Variants in ATP10B observed in about 807,000 individuals in gnomAD.
ATP10B encodes phospholipid-transporting ATPase VB.
Under a neutral mutation model 141.2 loss-of-function variants are expected in ATP10B, and 122 were observed. The ratio of observed to expected loss-of-function variants is 0.86; its 90% CI spans 0.75 to 1.00. ATP10B has a LOEUF of 1.00. ATP10B is among the 50% of genes least tolerant of loss of function. The pLI is 0.00. For synonymous variants in ATP10B, 685 were observed against 692.0 expected (o/e 0.99, Z 0.16); for missense variants, 1,876 against 1,825.3 (o/e 1.03, Z -0.51).
At chr5:160,857,457 T>C in the ATP10B span, among the ~76,000 whole-genome samples, 2 of 151,854 alleles carry the variant, frequency 1.3e-5, no homozygotes, top group Non-Finnish European at 2.9e-5. Flanking sequence ...TTAATTCTAT[T>C]TGTTGATCTT....
intron 1 of ATP10B, among the ~76,000 whole-genome samples, chr5:160,814,341 C>T (rs1275309765): frequency 2.6e-5 from 4 of 152,094 alleles, no homozygotes; most frequent in Non-Finnish European, 4.4e-5. Flanking sequence ...GATGAATGCA[C>T]AAGCCTCAGT....
At chr5:160,892,811 A>C in the ATP10B span, among the ~76,000 whole-genome samples, 7 of 152,320 alleles carry the variant, frequency 4.6e-5, no homozygotes, top group South Asian at 1.4e-3. Context: ...TCAACTCAGA[A>C]GGTGGGTGAT....
At position 160,850,550 on chromosome 5, in the gene ATP10B, A is replaced by C. The variant is rs548980334; in HGVS notation, c.-576+1391T>G. ...TAGGTCCTAGTTTTATCATCTGTAA[A>C]CTAGGCAGCTAGACTAAGTTCCATT... On this transcript the variant is annotated intron_variant, in intron 1 of 25. Coordinates refer to ENST00000327245, the MANE Select transcript of ATP10B (RefSeq NM_025153.3). Among the ~76,000 whole-genome samples the C allele has an allele frequency of 5.3e-5, 8 of 152,290 alleles. No homozygotes were observed. The East Asian group carries it at 1.5e-3, about 29-fold the overall frequency.
chr5:160,747,994 A>AG (rs1433458405), intron 2 of ATP10B, among the ~76,000 whole-genome samples: 2 of 72,528 alleles, frequency 2.8e-5, no homozygotes, highest in Non-Finnish European at 5.1e-5. Flanking sequence ...GCATTGAGAG[A>AG]GAAAAAAAAA....
chr5:160,795,271 C>A (rs1771857869), intron 1 of ATP10B, among the ~76,000 whole-genome samples: 1 of 152,130 alleles, frequency 6.6e-6, no homozygotes, highest in South Asian at 2.1e-4. Context: ...TCACAGCTAC[C>A]TAGACAAGAA....
the ATP10B span, among the ~76,000 whole-genome samples, chr5:160,870,615 A>T: frequency 2.6e-5 from 4 of 152,146 alleles, no homozygotes; most frequent in East Asian, 7.7e-4. Flanking sequence ...TGATGGAAAT[A>T]CTAGAAGGAG....
chr5:160,673,286 AT>A (rs1239875264), intron 6 of ATP10B, among the ~76,000 whole-genome samples: 2 of 152,006 alleles, frequency 1.3e-5, no homozygotes, highest in Non-Finnish European at 2.9e-5. Flanking sequence ...TTTCCTTTAA[AT>A]TTTTGCGGGT....
intron 2 of ATP10B, among the ~76,000 whole-genome samples, chr5:160,755,622 C>T (rs1262682023): frequency 6.7e-5 from 10 of 149,008 alleles, no homozygotes; most frequent in Admixed American, 2.7e-4. Flanking sequence ...GAGACCATCC[C>T]GGCTAAAACG....
chr5:160,579,698 G>A (rs1755423522), intron 24 of ATP10B, among the ~76,000 whole-genome samples: 2 of 152,196 alleles, frequency 1.3e-5, no homozygotes, highest in Non-Finnish European at 2.9e-5. Flanking sequence ...CCAGTTCTGT[G>A]GAGAAAGTCA....
chr5:160,829,227 C>T (rs946183609), intron 1 of ATP10B, among the ~76,000 whole-genome samples: 3 of 151,558 alleles, frequency 2.0e-5, no homozygotes, highest in East Asian at 1.9e-4. Flanking sequence ...AAAAGCAATT[C>T]GTTGTTTTTG....
At chr5:160,857,979 TTCTTGGG>T in the ATP10B span, among the ~76,000 whole-genome samples, 2 of 151,986 alleles carry the variant, frequency 1.3e-5, no homozygotes, top group African/African-American at 4.8e-5. Context: ...TATTCTACTT[TTCTTGGG>T]GGAGAAGTAT....
At chr5:160,754,589 A>G (rs80339103) in intron 2 of ATP10B, among the ~76,000 whole-genome samples, 4,139 of 152,304 alleles carry the variant, frequency 0.027, 83 homozygotes, top group Admixed American at 0.065. Flanking sequence ...GTGTAACTCA[A>G]TCCATACTTA....
At chr5:160,595,594 A>G (rs1756622856) in intron 22 of ATP10B, among the ~76,000 whole-genome samples, 1 of 152,248 alleles carries the variant, frequency 6.6e-6, no homozygotes, top group Admixed American at 6.5e-5. Context: ...AAAATCAATG[A>G]ATCCAGGAGC....
chr5:160,774,391 G>C (rs749079065), intron 2 of ATP10B, among the ~76,000 whole-genome samples: 4 of 152,178 alleles, frequency 2.6e-5, no homozygotes, highest in Non-Finnish European at 5.9e-5. Flanking sequence ...TCATCAAATT[G>C]TTGCATGACT....
chr5:160,603,765 C>T, intron 20 of ATP10B, 200 bp downstream of exon 20: 1 of 532,630 alleles, frequency 1.9e-6, no homozygotes, highest in South Asian at 2.9e-5. Flanking sequence ...TTGCTTCTTC[C>T]AAGCTGAATT....
intron 22 of ATP10B, among the ~76,000 whole-genome samples, chr5:160,593,165 C>T (rs941659713): frequency 2.0e-5 from 3 of 152,188 alleles, no homozygotes; most frequent in African/African-American, 7.2e-5. Flanking sequence ...GGAGGCACCC[C>T]CTCAGTAGGC....
intron 1 of ATP10B, among the ~76,000 whole-genome samples, chr5:160,830,337 T>G (rs1400999492): frequency 6.6e-6 from 1 of 152,154 alleles, no homozygotes; most frequent in African/African-American, 2.4e-5. Context: ...CTTCTTAACT[T>G]TTTTAATTGC....
chr5:160,643,796 G>T (rs959999037), intron 9 of ATP10B, among the ~76,000 whole-genome samples: 1 of 152,164 alleles, frequency 6.6e-6, no homozygotes, highest in Non-Finnish European at 1.5e-5. Context: ...AGGCTCCAAA[G>T]GGGAAGTTGT....
intron 24 of ATP10B, among the ~76,000 whole-genome samples, chr5:160,581,110 A>AT (rs1214812491): frequency 5.9e-5 from 9 of 152,058 alleles, no homozygotes; most frequent in African/African-American, 1.4e-4. Flanking sequence ...GGATTCATTG[A>AT]TTTTTTGTTT....
Sources: gnomAD v4.1 joint callset for allele counts (sites outside exome capture counted in the v4.1 genomes callset) on GRCh38, gnomAD v4.1.1 for gene constraint, MANE v1.5 for transcripts, NCBI Gene and HGNC (gene_info 2026-07-23, HGNC 2026-07-21) for gene names.